The following ACTN4 variants were observed in gnomAD, a reference collection of about 807,000 sequenced individuals.
ACTN4 encodes the protein alpha-actinin-4.
ACTN4 carries 18 observed loss-of-function variants against 114.2 expected under a neutral mutation model. That is an observed-to-expected ratio of 0.16 (90% CI 0.11 to 0.23). The LOEUF is 0.23. Ranked by LOEUF, ACTN4 falls within the 10% of genes least tolerant of loss-of-function variation. The probability of loss-of-function intolerance (pLI) is 1.00; values close to 1 mark genes in which losing one functional copy is unlikely to be tolerated. For missense variants in ACTN4, 722 were observed against 1,262.9 expected (o/e 0.57, Z 6.49); for synonymous variants, 515 against 506.3 (o/e 1.02, Z -0.23).
chr19:38,731,257 A>T lies in ACTN4; in HGVS notation c.*1825A>T. 1 of 1,567,334 alleles carries T rather than the reference A, an allele frequency of 6.4e-7. No homozygotes were observed. Among genetic ancestry groups the T allele is most frequent in the Non-Finnish European group, 8.8e-7 (1 of 1,140,750 alleles). ...AGGCTGCTTCTGAGCCCAGTGGCCC[A>T]CAGGGAACCCACCTTGGCATTGCAT... On this transcript the variant is annotated 3_prime_UTR_variant, in exon 21 of 21. Coordinates refer to ENST00000252699, the MANE Select transcript of ACTN4 (RefSeq NM_004924.6).
intron 1 of ACTN4, among the ~76,000 whole-genome samples, chr19:38,696,482 A>G (rs1465066342): frequency 6.6e-6 from 1 of 152,060 alleles, no homozygotes; most frequent in Non-Finnish European, 1.5e-5. Flanking sequence ...CCGGGTAGGG[A>G]GAGGAAGGAT....
intron 1 of ACTN4, among the ~76,000 whole-genome samples, chr19:38,656,616 T>TA (rs755150575): frequency 5.3e-5 from 8 of 152,348 alleles, no homozygotes; most frequent in Non-Finnish European, 7.3e-5. Context: ...AAGCGGCAGT[T>TA]ACTACCCTGC....
At chr19:38,719,683 G>T (rs941229626) in intron 11 of ACTN4, among the ~76,000 whole-genome samples, 3 of 152,260 alleles carry the variant, frequency 2.0e-5, no homozygotes, top group Non-Finnish European at 4.4e-5. Context: ...AGACAGCTCA[G>T]GTGGCTCCAG....
At position 38,727,694 on chromosome 19, in the gene ACTN4, C is replaced by A. The variant is rs187884167; in HGVS notation, c.2338-252C>A. On this transcript the variant is annotated intron_variant, in intron 18 of 20. Transcript: ENST00000252699. The surrounding 1 kb of genome is among the most constrained non-coding windows in gnomAD (Gnocchi z 5.4). ...GTTCTGTAGCATCCAGCTGCCACCCCTGCTGTGGGCAGAGAGGTCGGGGAG... is the reference window on the plus strand; with the variant it reads ...GTTCTGTAGCATCCAGCTGCCACCCATGCTGTGGGCAGAGAGGTCGGGGAG... 2.5e-3 allele frequency among the ~76,000 whole-genome samples: 377 copies of A among 151,608 alleles called. 2 individuals carry two copies. The highest frequency in any genetic ancestry group is 8.9e-3 in the African/African-American group (366 of 41,296).
At chr19:38,680,424 G>T (rs1343312352) in intron 1 of ACTN4, among the ~76,000 whole-genome samples, 1 of 151,916 alleles carries the variant, frequency 6.6e-6, no homozygotes, top group Non-Finnish European at 1.5e-5. Flanking sequence ...AAGTGATCTG[G>T]CCGCCTTTGG....
intron 1 of ACTN4, among the ~76,000 whole-genome samples, chr19:38,680,702 G>A (rs1967538615): frequency 1.3e-5 from 2 of 152,108 alleles, no homozygotes; most frequent in South Asian, 4.1e-4. Flanking sequence ...GTCAGCTTTT[G>A]ACTTCTCATC....
chr19:38,659,130 G>A (rs1182691899), intron 1 of ACTN4, among the ~76,000 whole-genome samples: 3 of 145,474 alleles, frequency 2.1e-5, no homozygotes, highest in East Asian at 2.1e-4. Flanking sequence ...GTGCAATCTC[G>A]GCTCATTGCA....
intron 3 of ACTN4, among the ~76,000 whole-genome samples, chr19:38,701,740 T>C (rs990631574): frequency 1.3e-5 from 2 of 152,238 alleles, no homozygotes; most frequent in Non-Finnish European, 2.9e-5. Flanking sequence ...CAGGGGCCCC[T>C]GGGTTGAGCT....
At chr19:38,703,951 T>G (rs567746906) in intron 3 of ACTN4, among the ~76,000 whole-genome samples, 27 of 152,160 alleles carry the variant, frequency 1.8e-4, no homozygotes, top group Non-Finnish European at 3.4e-4. Flanking sequence ...AGAAAGAGCC[T>G]GGCTTGCCCA....
intron 9 of ACTN4, among the ~76,000 whole-genome samples, chr19:38,716,197 G>A (rs1968836358): frequency 6.6e-6 from 1 of 152,242 alleles, no homozygotes; most frequent in Non-Finnish European, 1.5e-5. Context: ...GAACCAGCGT[G>A]CCTGGCCTAG....
chr19:38,715,325 T>C (rs1032463429), intron 9 of ACTN4, among the ~76,000 whole-genome samples: 8 of 152,108 alleles, frequency 5.3e-5, no homozygotes, highest in African/African-American at 1.9e-4. Context: ...GGTGAAACCT[T>C]GTCTCTACTG....
At chr19:38,696,310 A>G (rs10426809) in intron 1 of ACTN4, among the ~76,000 whole-genome samples, 67,369 of 151,742 alleles carry the variant, frequency 0.44, 16,000 homozygotes, top group Non-Finnish European at 0.54. Context: ...GCTTGTCCAG[A>G]GAATGAATAT....
At chr19:38,712,197 G>C (rs1968678989) in intron 8 of ACTN4, among the ~76,000 whole-genome samples, 1 of 152,170 alleles carries the variant, frequency 6.6e-6, no homozygotes, top group South Asian at 2.1e-4. Flanking sequence ...AGCCCCATTT[G>C]AGAGAGGAGG....
At chr19:38,725,419 G>A (rs1969199054) in intron 16 of ACTN4, among the ~76,000 whole-genome samples, 1 of 152,228 alleles carries the variant, frequency 6.6e-6, no homozygotes, top group Admixed American at 6.5e-5. Context: ...TTCTACCTCT[G>A]CAGTCAGGGC....
At position 38,704,928 on chromosome 19, in the gene ACTN4, G is replaced by A. The variant is rs1438271024; in HGVS notation, c.398-6G>A. ...TTCTGCCCTCTGCCCCCTTCCCTGT[G>A]TGCAGAGATTGTGGACGGCAACGCA... On this transcript the variant is annotated splice_polypyrimidine_tract_variant and splice_region_variant and intron_variant, in intron 3 of 20. Coordinates refer to ENST00000252699, the MANE Select transcript of ACTN4 (RefSeq NM_004924.6). 1.2e-6 allele frequency: 2 copies of A among 1,614,050 alleles called. No homozygotes were observed. The highest frequency in any genetic ancestry group is 1.7e-6 in the Non-Finnish European group (2 of 1,179,888).
At chr19:38,683,069 T>C (rs886288374) in intron 1 of ACTN4, among the ~76,000 whole-genome samples, 3 of 152,152 alleles carry the variant, frequency 2.0e-5, no homozygotes, top group Admixed American at 1.3e-4. Context: ...TCGTGATAGA[T>C]GCCTAGTACA....
At position 38,730,578 on chromosome 19, in the gene ACTN4, C is replaced by CCTT. The variant is rs1969508648; in HGVS notation, c.*1149_*1151dup. ...TTATTTCTCCTGTGTCTGTCCTCCA[C>CCTT]CTTCTAGGAGAGCCAGGGCAGAGCT... On this transcript the variant is annotated 3_prime_UTR_variant, in exon 21 of 21. Transcript: ENST00000252699. 3.6e-6 allele frequency: 2 copies of CCTT among 551,746 alleles called. No individual in the cohort carries two copies. The highest frequency in any genetic ancestry group is 5.8e-5 in the East Asian group (2 of 34,282). The allele number at this position is 551,746 out of a possible 1,614,324, so 34.2% of individuals were successfully genotyped here.
intron 1 of ACTN4, among the ~76,000 whole-genome samples, chr19:38,698,322 C>T (rs1247499323): frequency 2.0e-5 from 3 of 152,164 alleles, no homozygotes; most frequent in Non-Finnish European, 2.9e-5. Flanking sequence ...GGTTAGGTGA[C>T]GTGCCCACAT....
rs1396428122 is a variant in ACTN4 at position 38,730,281 on chromosome 19, C to CATAATGAAGACATAGCCGAT, written c.*850_*869dup. 1 of 162,080 alleles carries CATAATGAAGACATAGCCGAT rather than the reference C, an allele frequency of 6.2e-6. No individual in the cohort carries two copies. The highest frequency in any genetic ancestry group is 2.4e-5 in the African/African-American group (1 of 41,438). The allele number at this position is 162,080 out of a possible 1,614,324, so 10.0% of individuals were successfully genotyped here. A position where few individuals can be genotyped will look rare whatever the true frequency, so the allele number is the denominator to read the frequency against. On this transcript the variant is annotated 3_prime_UTR_variant, in exon 21 of 21. Transcript: ENST00000252699. ...ATATCTCTGCCGTCTCTCCTGCTCT[C>CATAATGAAGACATAGCCGAT]ATAATGAAGACATAGCCGATTCTCT...
Sources: allele counts gnomAD v4.1 joint callset (sites outside exome capture counted in the v4.1 genomes callset), GRCh38; gene constraint gnomAD v4.1.1; non-coding constraint Gnocchi (gnomAD v3.1); transcripts MANE v1.5; gene names NCBI Gene and HGNC (gene_info 2026-07-23, HGNC 2026-07-21).